Variants in VPS50 observed in about 807,000 individuals in gnomAD.
VPS50 encodes syndetin.
VPS50 carries 70 observed loss-of-function variants against 139.7 expected under a neutral mutation model. The ratio of observed to expected loss-of-function variants is 0.50; its 90% CI spans 0.41 to 0.61. VPS50 has a LOEUF of 0.61. Ranked by LOEUF, VPS50 falls within the 20% of genes least tolerant of loss-of-function variation. VPS50 has a pLI of 0.00. For synonymous variants in VPS50, 365 were observed against 376.7 expected (o/e 0.97, Z 0.36); for missense variants, 921 against 1,133.7 (o/e 0.81, Z 2.69).
At chr7:93,232,946 G>T (rs1186186623) in intron 1 of VPS50, among the ~76,000 whole-genome samples, 1 of 152,144 alleles carries the variant, frequency 6.6e-6, no homozygotes, top group Non-Finnish European at 1.5e-5. Flanking sequence ...TGGATTTTGG[G>T]CAAGTCCCCA....
At chr7:93,312,228 G>C (rs1381870945) in intron 20 of VPS50, among the ~76,000 whole-genome samples, 2 of 152,114 alleles carry the variant, frequency 1.3e-5, no homozygotes, top group African/African-American at 4.8e-5. Context: ...ATTCTAAAAA[G>C]CTATTCTGTG....
chr7:93,308,612 A>G (rs983628046), intron 18 of VPS50, among the ~76,000 whole-genome samples: 1 of 152,014 alleles, frequency 6.6e-6, no homozygotes, highest in South Asian at 2.1e-4. Context: ...TCAAGCTTTT[A>G]TAGGTGTAAT....
At chr7:93,244,565 A>G (rs1795094255) in intron 2 of VPS50, among the ~76,000 whole-genome samples, 1 of 151,922 alleles carries the variant, frequency 6.6e-6, no homozygotes, top group African/African-American at 2.4e-5. Context: ...CGAATGTTTT[A>G]TACTTTCTAT....
intron 10 of VPS50, among the ~76,000 whole-genome samples, chr7:93,271,788 A>G (rs914116349): frequency 4.0e-5 from 6 of 151,652 alleles, no homozygotes; most frequent in South Asian, 2.1e-4. Flanking sequence ...TTCCTTGACA[A>G]TCTTTGCAAA....
chr7:93,256,687 G>T (rs1198392935), intron 5 of VPS50, 125 bp downstream of exon 5: 2 of 572,684 alleles, frequency 3.5e-6, no homozygotes, highest in Admixed American at 7.8e-5. Context: ...CTGTTTTTGG[G>T]TGTGTTTGTG....
In VPS50 at chr7:93,348,890, T is replaced by TA. The variant is rs779128740; in HGVS notation, c.2304+85dup. 2.4e-4 allele frequency: 223 copies of TA among 918,872 alleles called. 2 individuals are homozygous for TA. The highest frequency in any genetic ancestry group is 3.7e-4 in the Non-Finnish European group (216 of 582,166). The allele number at this position is 918,872 out of a possible 1,614,324, so 56.9% of individuals were successfully genotyped here. ...TATTTAGATTTTTTGTTGTTTTTTT[T>TA]AACTGGAAGTCAGTCTTGAAACCCC... On this transcript the variant is annotated intron_variant, in intron 24 of 27. Coordinates refer to ENST00000305866, the MANE Select transcript of VPS50 (RefSeq NM_017667.4).
chr7:93,261,677 C>CAAAAAAAAAAAAAAAAAAA (rs71107890), intron 9 of VPS50, among the ~76,000 whole-genome samples: 1 of 62,196 alleles, frequency 1.6e-5, no homozygotes, highest in African/African-American at 6.0e-5. Context: ...GACTCCGTCT[C>CAAAAAAAAAAAAAAAAAAA]AAAAAAAAAA....
intron 12 of VPS50, among the ~76,000 whole-genome samples, chr7:93,284,891 T>C (rs984617479): frequency 2.0e-5 from 3 of 152,216 alleles, no homozygotes; most frequent in African/African-American, 7.2e-5. Flanking sequence ...GGCTGGAAAC[T>C]TCTTAAGATA....
At chr7:93,246,216 T>C in intron 2 of VPS50, 1 of 890,914 alleles carries the variant, frequency 1.1e-6, no homozygotes, top group Non-Finnish European at 1.7e-6. Flanking sequence ...AAAAAAGTCT[T>C]TGATCAAAGA....
At chr7:93,239,636 T>A (rs1474987040) in intron 1 of VPS50, among the ~76,000 whole-genome samples, 1 of 152,178 alleles carries the variant, frequency 6.6e-6, no homozygotes, top group African/African-American at 2.4e-5. Flanking sequence ...AGTTGTGAAG[T>A]TGCCGTATAA....
At chr7:93,347,503 G>C (rs1286836980) in intron 23 of VPS50, among the ~76,000 whole-genome samples, 6 of 75,306 alleles carry the variant, frequency 8.0e-5, no homozygotes, top group African/African-American at 4.6e-4. Flanking sequence ...TATAAATCAT[G>C]CTGCTATAAA....
intron 20 of VPS50, among the ~76,000 whole-genome samples, chr7:93,322,708 C>CTGTT (rs1398077702): frequency 4.6e-5 from 7 of 151,600 alleles, no homozygotes; most frequent in African/African-American, 7.3e-5. Context: ...AGCAAATGGC[C>CTGTT]TGTTTTAAGA....
At chr7:93,329,863 G>A (rs927951718) in intron 21 of VPS50, among the ~76,000 whole-genome samples, 3 of 152,116 alleles carry the variant, frequency 2.0e-5, no homozygotes, top group Admixed American at 2.0e-4. Flanking sequence ...AAAATACTAA[G>A]AGAATTTGTC....
At chr7:93,332,816 G>T (rs2117043550) in intron 21 of VPS50, among the ~76,000 whole-genome samples, 1 of 140,728 alleles carries the variant, frequency 7.1e-6, no homozygotes, top group South Asian at 2.3e-4. Context: ...AATACCACCA[G>T]ACTCAACACG....
chr7:93,311,331 AC>A, intron 20 of VPS50, 59 bp downstream of exon 20: 1 of 814,842 alleles, frequency 1.2e-6, no homozygotes. Flanking sequence ...TTACCGAATG[AC>A]TTTTACTTGT....
Position 93,303,497 on chromosome 7 carries a change from G to T in VPS50, c.1399G>T (p.Glu467Ter). ...LDELRMFLEN[E>*]TWELCPVKSN... ...TGAACTGAGAATGTTCTTAGAGAATGAGACTTGGGAACTTTGTCCTGTTAA... is the reference window on the plus strand; with the variant it reads ...TGAACTGAGAATGTTCTTAGAGAATTAGACTTGGGAACTTTGTCCTGTTAA... The change falls in exon 17 of 28, where the codon GAG becomes TAG. Residue 467 changes from glutamate to a stop codon, truncating the protein, a stop_gained. Transcript: ENST00000305866. LOFTEE classifies it high-confidence loss of function. 6.3e-7 allele frequency: 1 copy of T among 1,583,608 alleles called. No individual in the cohort carries two copies. Among genetic ancestry groups the T allele is most frequent in the South Asian group, 1.1e-5 (1 of 87,574 alleles).
At chr7:93,265,144 A>T (rs1050393924) in intron 9 of VPS50, among the ~76,000 whole-genome samples, 1 of 151,952 alleles carries the variant, frequency 6.6e-6, no homozygotes, top group African/African-American at 2.4e-5. Context: ...CTAATTTTTT[A>T]AAAATAATTA....
intron 21 of VPS50, among the ~76,000 whole-genome samples, chr7:93,328,777 G>A (rs1447139782): frequency 6.6e-6 from 1 of 152,074 alleles, no homozygotes; most frequent in Non-Finnish European, 1.5e-5. Context: ...CTAGAAAACT[G>A]GAAACACTGA....
At position 93,312,853 on chromosome 7, in the gene VPS50, AG is replaced by A. The variant is rs929408937; in HGVS notation, c.1855+1582del. 9.9e-4 allele frequency among the ~76,000 whole-genome samples: 150 copies of A among 152,260 alleles called. 1 individual carries two copies. Among genetic ancestry groups the A allele is most frequent in the African/African-American group, 3.4e-3 (142 of 41,560 alleles). On this transcript the variant is annotated intron_variant, in intron 20 of 27. Transcript: ENST00000305866. The stretch of plus-strand genomic sequence containing the variant: ...ATCTTGTCCTCACTGATAGAAATTC[AG>A]ACCTTTCAGAATCATTGTCATCCTC...
Sources: allele counts gnomAD v4.1 joint callset (sites outside exome capture counted in the v4.1 genomes callset), GRCh38; gene constraint gnomAD v4.1.1; transcripts MANE v1.5; gene names NCBI Gene and HGNC (gene_info 2026-07-23, HGNC 2026-07-21).